RBM26: variants seen among roughly 807,000 people sequenced by gnomAD.
RBM26 encodes RNA-binding protein 26.
Under a neutral mutation model 123.6 loss-of-function variants are expected in RBM26, and 30 were observed. The observed-to-expected ratio is 0.24, with a 90% confidence interval of 0.18 to 0.33. The LOEUF is 0.33. Ranked by LOEUF, RBM26 falls within the 10% of genes least tolerant of loss-of-function variation. The pLI, the probability that RBM26 is intolerant of heterozygous loss-of-function variation, is 1.00. For missense variants in RBM26, 947 were observed against 1,203.6 expected (o/e 0.79, Z 3.15); for synonymous variants, 400 against 404.4 (o/e 0.99, Z 0.13).
rs143116167 is a variant in RBM26 at position 79,356,006 on chromosome 13, T to C, written c.1690-622A>G. On this transcript the variant is annotated intron_variant, in intron 11 of 21. Transcript: ENST00000438737. Reference sequence around the variant, plus strand: ...CTTCAAATTCCTATTCTTTCAATAATAGAGTTTTCCAAAGTGTGGTATATA... The same window carrying C: ...CTTCAAATTCCTATTCTTTCAATAACAGAGTTTTCCAAAGTGTGGTATATA... Among the ~76,000 whole-genome samples the C allele has an allele frequency of 3.9e-5, 6 of 152,282 alleles. No homozygotes were observed. In the East Asian group the frequency reaches 5.8e-4, roughly 15 times the overall value.
At chr13:79,316,356 T>C (rs1386088351), downstream of RBM26, among the ~76,000 whole-genome samples, 1 of 151,712 alleles carries the variant, frequency 6.6e-6, no homozygotes, top group Non-Finnish European at 1.5e-5. Context: ...TACTCTAAAA[T>C]AGCCAGTGAT....
At chr13:79,399,424 GA>G (rs1594766584) in intron 1 of RBM26, among the ~76,000 whole-genome samples, 2 of 151,500 alleles carry the variant, frequency 1.3e-5, no homozygotes, top group Admixed American at 6.6e-5. Flanking sequence ...TCAGAAAAAA[GA>G]AACAGTAAAG....
intron 15 of RBM26, 54 bp from the exon 16 acceptor site, chr13:79,344,376 T>G: frequency 7.6e-7 from 1 of 1,308,868 alleles, no homozygotes; most frequent in Non-Finnish European, 1.1e-6. Flanking sequence ...TAAACAATAT[T>G]ATTCAAGAGA....
intron 3 of RBM26, among the ~76,000 whole-genome samples, chr13:79,373,546 TTATATATTA>T (rs2076322212): frequency 5.8e-5 from 2 of 34,560 alleles, no homozygotes; most frequent in East Asian, 4.0e-4. Flanking sequence ...TATAATATAT[TTATATATTA>T]CTATATATAT....
At chr13:79,392,550 A>C (rs1202016162) in intron 1 of RBM26, among the ~76,000 whole-genome samples, 5 of 146,770 alleles carry the variant, frequency 3.4e-5, no homozygotes, top group Admixed American at 6.8e-5. Context: ...TATAAACATA[A>C]TTAATATGTA....
chr13:79,405,602 G>T, intron 1 of RBM26, 102 bp downstream of exon 1: 1 of 716,972 alleles, frequency 1.4e-6, no homozygotes, highest in Non-Finnish European at 2.2e-6. Context: ...TCCGTTCACC[G>T]CTTCGGCCTC....
At chr13:79,354,672 T>C in intron 12 of RBM26, 102 bp from the exon 13 acceptor site, 1 of 1,084,978 alleles carries the variant, frequency 9.2e-7, no homozygotes. Flanking sequence ...AGAAAGTTTT[T>C]AAAATGCAGC....
chr13:79,377,619 T>C (rs1325923949), intron 2 of RBM26, 104 bp from the exon 3 acceptor site: 4 of 934,912 alleles, frequency 4.3e-6, no homozygotes, highest in Non-Finnish European at 3.2e-6. Flanking sequence ...CCTTGACTTT[T>C]ATAAACTAGA....
At chr13:79,325,444 C>T (rs1229885304) in intron 20 of RBM26, among the ~76,000 whole-genome samples, 10 of 151,944 alleles carry the variant, frequency 6.6e-5, no homozygotes, top group Non-Finnish European at 1.2e-4. Flanking sequence ...TGATTCTGAC[C>T]ATGTTTAGAC....
At position 79,320,405 on chromosome 13, in the gene RBM26, G is replaced by A. The variant is rs1346632780; in HGVS notation, c.*216C>T. On this transcript the variant is annotated 3_prime_UTR_variant, in exon 22 of 22. Coordinates refer to ENST00000438737, the MANE Select transcript of RBM26 (RefSeq NM_001366735.2). ...AAAACATTGCATATGTTTCTAGTGT[G>A]ATGTCTTTAGCAATTGTTTACTGAA... 3 of 1,192,652 alleles carry A rather than the reference G, an allele frequency of 2.5e-6. No homozygotes were observed. The highest frequency in any genetic ancestry group is 8.4e-5 in the Admixed American group (2 of 23,744). The allele number at this position is 1,192,652 out of a possible 1,614,324, so 73.9% of individuals were successfully genotyped here. A position where few individuals can be genotyped will look rare whatever the true frequency, so the allele number is the denominator to read the frequency against.
chr13:79,322,241 G>A, intron 21 of RBM26, 108 bp downstream of exon 21: 1 of 633,886 alleles, frequency 1.6e-6, no homozygotes, highest in East Asian at 3.2e-5. Flanking sequence ...CCTGGACTAT[G>A]GGTCAGGAAT....
intron 1 of RBM26, among the ~76,000 whole-genome samples, chr13:79,400,377 T>C (rs2078960920): frequency 6.6e-6 from 1 of 152,054 alleles, no homozygotes; most frequent in Admixed American, 6.6e-5. Context: ...TCCTCCGGAG[T>C]TCCTCCCATG....
In RBM26 at chr13:79,354,516, T is replaced by C. The variant is rs1344407262; in HGVS notation, c.1909A>G (p.Lys637Glu). 1 of 1,609,720 alleles carries C rather than the reference T, an allele frequency of 6.2e-7. No homozygotes were observed. ...PILPVVKQSV[K>E]ERLGPVPSST... Reference sequence around the variant, plus strand: ...GAAGGTACTGGACCCAGCCGCTCTTTGACTGACTGCTTCACAACAGGCAAA... The same window carrying C: ...GAAGGTACTGGACCCAGCCGCTCTTCGACTGACTGCTTCACAACAGGCAAA... The change falls in exon 13 of 22, where the codon AAA (lysine) becomes GAA (glutamate). Residue 637 changes from lysine to glutamate, a missense_variant. Physicochemically the swap from Lys to Glu is moderately conservative, Grantham distance 56 (BLOSUM62 1). Coordinates refer to ENST00000438737, the MANE Select transcript of RBM26 (RefSeq NM_001366735.2).
intron 20 of RBM26, among the ~76,000 whole-genome samples, chr13:79,327,904 C>T (rs1401879129): frequency 1.3e-5 from 2 of 151,922 alleles, no homozygotes; most frequent in African/African-American, 4.8e-5. Flanking sequence ...AACAAACGTG[C>T]ATGTGTACTC....
At chr13:79,340,101 A>C (rs1278683941) in intron 18 of RBM26, among the ~76,000 whole-genome samples, 1 of 152,110 alleles carries the variant, frequency 6.6e-6, no homozygotes, top group Non-Finnish European at 1.5e-5. Context: ...CACTGGCATA[A>C]AATCGCTACA....
At chr13:79,325,384 C>T (rs1593918375) in intron 20 of RBM26, among the ~76,000 whole-genome samples, 1 of 152,006 alleles carries the variant, frequency 6.6e-6, no homozygotes, top group East Asian at 1.9e-4. Flanking sequence ...TACTGCCCCT[C>T]AAGACTTTCC....
chr13:79,316,872 C>A (rs2067195345), downstream of RBM26, among the ~76,000 whole-genome samples: 1 of 151,622 alleles, frequency 6.6e-6, no homozygotes, highest in Non-Finnish European at 1.5e-5. Context: ...AATCCTTTAC[C>A]AACTCCCAAC....
rs535031669 is a variant in RBM26, at chr13:79,369,123, TA to T, written c.635-134del. 1.1e-3 allele frequency: 558 copies of T among 513,682 alleles called. 3 individuals are homozygous for T. The highest frequency in any genetic ancestry group is 1.7e-3 in the Non-Finnish European group (526 of 313,624). The allele number at this position is 513,682 out of a possible 1,614,324, so 31.8% of individuals were successfully genotyped here. A position where few individuals can be genotyped will look rare whatever the true frequency, so the allele number is the denominator to read the frequency against. Reference sequence around the variant, plus strand: ...ATTTTGCATAATAATCATTTTCTTTTAAAAAATATTCAATTAATATACAATG... The same window carrying T: ...ATTTTGCATAATAATCATTTTCTTTTAAAAATATTCAATTAATATACAATG... On this transcript the variant is annotated intron_variant, in intron 5 of 21. Transcript: ENST00000438737.
intron 1 of RBM26, among the ~76,000 whole-genome samples, chr13:79,386,310 A>C (rs574709730): frequency 6.6e-6 from 1 of 152,030 alleles, no homozygotes; most frequent in African/African-American, 2.4e-5. Context: ...ATAGTTGGAA[A>C]AACAAGGACC....
Sources: allele counts gnomAD v4.1 joint callset (sites outside exome capture counted in the v4.1 genomes callset), GRCh38; gene constraint gnomAD v4.1.1; transcripts MANE v1.5; gene names NCBI Gene and HGNC (gene_info 2026-07-23, HGNC 2026-07-21).